Variants in NSL1 observed in about 807,000 individuals in gnomAD.
NSL1 encodes the protein NSL1 component of MIS12 kinetochore complex, also known as kinetochore-associated protein NSL1 homolog.
In NSL1, 11 loss-of-function variants were observed where a neutral mutation model predicts 25.4. The observed-to-expected ratio is 0.43, with a 90% confidence interval of 0.27 to 0.72. NSL1 has a LOEUF of 0.72. Among genes scored for constraint, NSL1 ranks in the 30% least tolerant of loss-of-function variants. The probability of loss-of-function intolerance (pLI) is 0.19; values close to 1 mark genes in which losing one functional copy is unlikely to be tolerated. For missense variants in NSL1, 330 were observed against 342.7 expected (o/e 0.96, Z 0.29); for synonymous variants, 118 against 120.6 (o/e 0.98, Z 0.14).
chr1:212,735,871 T>C lies in NSL1; in HGVS notation c.*2537A>G, dbSNP rs1323277964. On this transcript the variant is annotated 3_prime_UTR_variant, in exon 6 of 6. Coordinates refer to ENST00000366977, the MANE Select transcript of NSL1 (RefSeq NM_015471.4). ...TTGCCAGCACCTTCTCATGGACTTC[T>C]AGCCTCCAGAACTGTGAGAAGTAAG... is the stretch of plus-strand genomic sequence containing the variant. 2 of 876,016 alleles carry C rather than the reference T, an allele frequency of 2.3e-6. No individual in the cohort carries two copies. Among genetic ancestry groups the C allele is most frequent in the East Asian group, 1.2e-4 (1 of 8,308 alleles). The allele number at this position is 876,016 out of a possible 1,614,324, so 54.3% of individuals were successfully genotyped here. A position where few individuals can be genotyped will look rare whatever the true frequency, so the allele number is the denominator to read the frequency against.
Position 212,736,456 on chromosome 1 carries a change from A to G in NSL1, c.*1952T>C, listed in dbSNP as rs1658236030. ...AAAACTACAGACTTTCTTGCTTTTA[A>G]TCCTTAGCTTACTAGTTCTTGGCCT... On this transcript the variant is annotated 3_prime_UTR_variant, in exon 6 of 6. Coordinates refer to ENST00000366977, the MANE Select transcript of NSL1 (RefSeq NM_015471.4). 1.0e-6 allele frequency: 1 copy of G among 985,354 alleles called. No individual in the cohort carries two copies. The highest frequency in any genetic ancestry group is 1.2e-6 in the Non-Finnish European group (1 of 829,866). 61.0% of individuals were successfully genotyped at this position (985,354 alleles called of 1,614,324 possible). A position where few individuals can be genotyped will look rare whatever the true frequency, so the allele number is the denominator to read the frequency against.
Position 212,731,410 on chromosome 1 carries a change from G to A in NSL1, c.*6998C>T. On this transcript the variant is annotated 3_prime_UTR_variant, in exon 6 of 6. Coordinates refer to ENST00000366977, the MANE Select transcript of NSL1 (RefSeq NM_015471.4). ...ATCTCTAAAACAAATAAACTAGCCG[G>A]GCATGGTGGCACACGCCTGTTTTGA... 1 of 984,956 alleles carries A rather than the reference G, an allele frequency of 1.0e-6. No individual in the cohort carries two copies. The highest frequency in any genetic ancestry group is 1.2e-6 in the Non-Finnish European group (1 of 829,646). The allele number at this position is 984,956 out of a possible 1,614,324, so 61.0% of individuals were successfully genotyped here.
At chr1:212,775,321 T>A (rs1660311413) in intron 4 of NSL1, among the ~76,000 whole-genome samples, 1 of 152,196 alleles carries the variant, frequency 6.6e-6, no homozygotes, top group South Asian at 2.1e-4. Context: ...TTAAAATTGA[T>A]TATCATGATG....
intron 4 of NSL1, among the ~76,000 whole-genome samples, chr1:212,740,843 T>G (rs893875140): frequency 2.0e-5 from 3 of 152,172 alleles, no homozygotes; most frequent in Non-Finnish European, 4.4e-5. Context: ...TCTTTATTGA[T>G]GATTTAAATA....
chr1:212,784,007 A>C (rs549163586), intron 3 of NSL1: 12 of 154,082 alleles, frequency 7.8e-5, no homozygotes, highest in African/African-American at 2.9e-4. Flanking sequence ...AATATATGCC[A>C]AAAAAAAACA....
chr1:212,755,626 C>T (rs1659270273), intron 4 of NSL1, among the ~76,000 whole-genome samples: 1 of 151,738 alleles, frequency 6.6e-6, no homozygotes, highest in South Asian at 2.1e-4. Flanking sequence ...TATGTGCATA[C>T]AAATGCATTG....
At chr1:212,779,381 G>C (rs1423141072) in intron 4 of NSL1, among the ~76,000 whole-genome samples, 18 of 135,856 alleles carry the variant, frequency 1.3e-4, no homozygotes, top group African/African-American at 5.2e-4. Flanking sequence ...AGAGGGAGGT[G>C]GGGGGGTCAG....
intron 2 of NSL1, among the ~76,000 whole-genome samples, chr1:212,786,942 A>G (rs1187061053): frequency 4.0e-5 from 6 of 151,840 alleles, no homozygotes; most frequent in African/African-American, 1.5e-4. Context: ...GCACTTTAGG[A>G]GATTGAGGCT....
chr1:212,791,749 A>C lies in NSL1; in HGVS notation c.15T>G (p.Pro5=). The C allele has an allele frequency of 6.2e-7, 1 of 1,606,544 alleles. No individual in the cohort carries two copies. MAGS[P]ELVVLDPPWD... ...ATGGAGGGTCAAGGACCACCAACTC[A>C]GGAGACCCCGCCATTTTTCGTCGGA... Residue 5 remains proline (P), a synonymous_variant, in exon 1 of 6, where the codon CCT becomes CCG. Coordinates refer to ENST00000366977, the MANE Select transcript of NSL1 (RefSeq NM_015471.4).
At chr1:212,753,142 G>C (rs932410057) in intron 4 of NSL1, among the ~76,000 whole-genome samples, 2 of 152,172 alleles carry the variant, frequency 1.3e-5, no homozygotes, top group East Asian at 1.9e-4. Flanking sequence ...GAACCCATTT[G>C]CTCAGTAGAT....
At chr1:212,782,230 A>C in intron 4 of NSL1, 142 bp downstream of exon 4, 1 of 709,446 alleles carries the variant, frequency 1.4e-6, no homozygotes, top group Admixed American at 2.2e-5. Flanking sequence ...TCTAGATGAA[A>C]TGCTAAACAT....
At chr1:212,759,261 G>A (rs1659449852) in intron 4 of NSL1, among the ~76,000 whole-genome samples, 1 of 152,190 alleles carries the variant, frequency 6.6e-6, no homozygotes, top group African/African-American at 2.4e-5. Flanking sequence ...GTGAGATGGG[G>A]AGGGGGCTTC....
At chr1:212,765,529 C>T (rs1296812979) in intron 4 of NSL1, among the ~76,000 whole-genome samples, 1 of 152,140 alleles carries the variant, frequency 6.6e-6, no homozygotes, top group Non-Finnish European at 1.5e-5. Flanking sequence ...ATGGTAAAAT[C>T]CAGCATCTCT....
At chr1:212,756,296 T>C (rs1659304795) in intron 4 of NSL1, among the ~76,000 whole-genome samples, 1 of 152,102 alleles carries the variant, frequency 6.6e-6, no homozygotes, top group African/African-American at 2.4e-5. Flanking sequence ...ATTTTTGTAT[T>C]TTTTGTAGAG....
rs548805784 is a variant in NSL1 at position 212,772,502 on chromosome 1, AAAAT to A, written c.499+9866_499+9869del. 5.5e-3 allele frequency among the ~76,000 whole-genome samples: 842 copies of A among 151,826 alleles called. 10 individuals carry two copies. Among genetic ancestry groups the A allele is most frequent in the African/African-American group, 0.019 (781 of 41,322 alleles). Reference sequence around the variant, plus strand: ...AAACTCTTGTTTCTACCAAAAAACAAAAATAAATAAATAAATAAATAAAAATTAG... The same window carrying A: ...AAACTCTTGTTTCTACCAAAAAACAAAAATAAATAAATAAATAAAAATTAG... On this transcript the variant is annotated intron_variant, in intron 4 of 5. Transcript: ENST00000366977.
At chr1:212,779,931 C>T (rs1353373698) in intron 4 of NSL1, among the ~76,000 whole-genome samples, 4 of 151,176 alleles carry the variant, frequency 2.6e-5, no homozygotes, top group African/African-American at 4.8e-5. Flanking sequence ...AGGTGAGGGG[C>T]GCCTCTGCCC....
In NSL1 at chr1:212,738,530, TG is replaced by T; in HGVS notation, c.723del (p.Thr242HisfsTer15). On this transcript the variant is annotated frameshift_variant, in exon 6 of 6. Transcript: ENST00000366977. LOFTEE classifies it low-confidence loss of function (END_TRUNC). ...TTCCTGGAAGCAGTCTCTGTTGGTGTGGTTTCTATCTGTGTTATAAAGTTCT... is the reference window on the plus strand; with the variant it reads ...TTCCTGGAAGCAGTCTCTGTTGGTGTGTTTCTATCTGTGTTATAAAGTTCT... ...KPENFITQIE[T>X]TPTETASRKT... is the part of the protein sequence containing the mutation. 1 of 1,614,196 alleles carries T rather than the reference TG, an allele frequency of 6.2e-7. No individual in the cohort carries two copies. The highest frequency in any genetic ancestry group is 8.5e-7 in the Non-Finnish European group (1 of 1,180,028).
At chr1:212,739,700 G>T (rs969244237) in intron 4 of NSL1, 99 bp from the exon 5 acceptor site, 3 of 1,118,134 alleles carry the variant, frequency 2.7e-6, no homozygotes, top group Admixed American at 4.6e-5. Context: ...ATGCTATCTG[G>T]ACAAAAATCT....
chr1:212,772,952 C>A (rs1660193918), intron 4 of NSL1, among the ~76,000 whole-genome samples: 1 of 152,044 alleles, frequency 6.6e-6, no homozygotes, highest in South Asian at 2.1e-4. Flanking sequence ...GGAAAGGACA[C>A]CCTCTTCAAT....
Sources: gnomAD v4.1 joint callset for allele counts (sites outside exome capture counted in the v4.1 genomes callset) on GRCh38, gnomAD v4.1.1 for gene constraint, MANE v1.5 for transcripts, NCBI Gene and HGNC (gene_info 2026-07-23, HGNC 2026-07-21) for gene names.